The following ZNF496 variants were observed in gnomAD, a reference collection of about 807,000 sequenced individuals.
The protein encoded by ZNF496 is NSD1 (nuclear receptor binding SET-domain containing 1)-interacting zinc finger protein 1.
In ZNF496, 11 loss-of-function variants were observed where a neutral mutation model predicts 58.9. The ratio of observed to expected loss-of-function variants is 0.19; its 90% CI spans 0.12 to 0.31. ZNF496 has a LOEUF of 0.31. ZNF496 is among the 10% of genes least tolerant of loss of function. ZNF496 has a pLI of 1.00. For synonymous variants in ZNF496, 338 were observed against 318.2 expected (o/e 1.06, Z -0.66); for missense variants, 660 against 783.0 (o/e 0.84, Z 1.88).
At chr1:247,307,494 C>T in intron 9 of ZNF496, 1 of 985,402 alleles carries the variant, frequency 1.0e-6, no homozygotes, top group Non-Finnish European at 1.2e-6. Context: ...AAACATCAGG[C>T]CTGCGCTTGA....
At chr1:247,302,595 C>A (rs1659282593) in intron 9 of ZNF496, among the ~76,000 whole-genome samples, 1 of 152,128 alleles carries the variant, frequency 6.6e-6, no homozygotes, top group Non-Finnish European at 1.5e-5. Context: ...CCTGCCTCAG[C>A]CTCCCAAAGT....
chr1:247,312,909 T>A (rs990347788), intron 6 of ZNF496: 19 of 152,150 alleles, frequency 1.2e-4, no homozygotes, highest in African/African-American at 4.6e-4. Context: ...CAATTTTCTG[T>A]CTTAATCCAT....
At position 247,300,584 on chromosome 1, in the gene ZNF496, C is replaced by T. The variant is rs1451662443; in HGVS notation, c.1699G>A (p.Asp567Asn). The change falls in exon 10 of 10, where the codon GAC becomes AAC. Residue 567 changes from aspartate to asparagine, a missense_variant. Transcript: ENST00000682384. This position sits in a 1 kb window ranked among gnomAD's most constrained non-coding sequence, Gnocchi z 5.7. The part of the protein sequence containing the change: ...YCVKSFTQNY[D>N]LLRHERLHMK... ...TGCAGGCGCTCGTGGCGGAGGAGGT[C>T]ATAGTTCTGCGTGAAGCTCTTGACG... is the stretch of plus-strand genomic sequence containing the variant. 1 of 1,613,934 alleles carries T rather than the reference C, an allele frequency of 6.2e-7. No individual in the cohort carries two copies. The highest frequency in any genetic ancestry group is 1.1e-5 in the South Asian group (1 of 91,062).
At position 247,308,730 on chromosome 1, in the gene ZNF496, CAA is replaced by C. The variant is rs1659497410; in HGVS notation, c.893-144_893-143del. ...TGGGGACTGGCAGGGGGTGGCCACTCAATAAGTGTCTGCTGAGTGAATGAACC... is the reference window on the plus strand; with the variant it reads ...TGGGGACTGGCAGGGGGTGGCCACTCTAAGTGTCTGCTGAGTGAATGAACC... On this transcript the variant is annotated intron_variant, in intron 8 of 9. Transcript: ENST00000682384. This position sits in a 1 kb window ranked among gnomAD's most constrained non-coding sequence, Gnocchi z 4.5. 2 of 687,222 alleles carry C rather than the reference CAA, an allele frequency of 2.9e-6. No homozygotes were observed. The highest frequency in any genetic ancestry group is 3.6e-5 in the African/African-American group (2 of 55,692). The allele number at this position is 687,222 out of a possible 1,614,324, so 42.6% of individuals were successfully genotyped here.
chr1:247,316,208 C>T (rs1435867465), intron 6 of ZNF496, among the ~76,000 whole-genome samples: 4 of 23,950 alleles, frequency 1.7e-4, no homozygotes, highest in Non-Finnish European at 3.6e-4. Flanking sequence ...TGTGTGCGCG[C>T]GCGTGCGCGT....
rs1252174531 is a variant in ZNF496, at chr1:247,297,995, G to A, written c.*2524C>T. On this transcript the variant is annotated 3_prime_UTR_variant, in exon 10 of 10. Coordinates refer to ENST00000682384, the MANE Select transcript of ZNF496 (RefSeq NM_032752.3). ...TTGAGTCAGACGTCTGAAGCAGGAA[G>A]GTGAATAACCTTCCCAAGACCTTAG... is the stretch of plus-strand genomic sequence containing the variant. The A allele has an allele frequency of 1.3e-5, 2 of 152,184 alleles. No homozygotes were observed. The highest frequency in any genetic ancestry group is 2.4e-5 in the African/African-American group (1 of 41,436). 9.4% of individuals were successfully genotyped at this position (152,184 alleles called of 1,614,324 possible). A position where few individuals can be genotyped will look rare whatever the true frequency, so the allele number is the denominator to read the frequency against.
At chr1:247,322,883 G>T in intron 6 of ZNF496, 1 of 972,482 alleles carries the variant, frequency 1.0e-6, no homozygotes, top group Non-Finnish European at 1.5e-6. Flanking sequence ...CATCAATGGG[G>T]ACTCATGGGC....
Position 247,297,463 on chromosome 1 carries a change from A to C in ZNF496, c.*3056T>G, listed in dbSNP as rs1659120840. 1 of 152,226 alleles carries C rather than the reference A, an allele frequency of 6.6e-6. No individual in the cohort carries two copies. Among genetic ancestry groups the C allele is most frequent in the Non-Finnish European group, 1.5e-5 (1 of 68,044 alleles). 9.4% of individuals were successfully genotyped at this position (152,226 alleles called of 1,614,324 possible). On this transcript the variant is annotated 3_prime_UTR_variant, in exon 10 of 10. Coordinates refer to ENST00000682384, the MANE Select transcript of ZNF496 (RefSeq NM_032752.3). The stretch of plus-strand genomic sequence containing the variant: ...GCACCTGTGGGTTTGTGACGATGCC[A>C]AGGGATCAGAGGAACAAAGAGAGAG...
At chr1:247,311,334 A>T (rs952520529) in intron 6 of ZNF496, 1 of 151,842 alleles carries the variant, frequency 6.6e-6, no homozygotes, top group African/African-American at 2.4e-5. Flanking sequence ...CGGCAGGCGG[A>T]GTCTGCAGTG....
Position 247,329,551 on chromosome 1 carries a change from A to G in ZNF496, c.28T>C (p.Leu10=). MPTALCPRV[L]APKESEEPRK... is the part of the protein sequence containing the mutation. ...GGCTCCTCACTTTCCTTCGGAGCCA[A>G]GACTCGGGGGCACAGGGCTGTGGGC... is the stretch of plus-strand genomic sequence containing the variant. Residue 10 remains leucine (L), a synonymous_variant, in exon 4 of 10, where the codon TTG becomes CTG. Coordinates refer to ENST00000682384, the MANE Select transcript of ZNF496 (RefSeq NM_032752.3). This position sits in a 1 kb window ranked among gnomAD's most constrained non-coding sequence, Gnocchi z 5.5. 6.4e-7 allele frequency: 1 copy of G among 1,568,694 alleles called. No individual in the cohort carries two copies. The highest frequency in any genetic ancestry group is 1.2e-5 in the South Asian group (1 of 84,050).
chr1:247,309,960 C>G lies in ZNF496; in HGVS notation c.785-154G>C. 1 of 1,305,210 alleles carries G rather than the reference C, an allele frequency of 7.7e-7. No homozygotes were observed. Among genetic ancestry groups the G allele is most frequent in the Non-Finnish European group, 1.0e-6 (1 of 974,128 alleles). The allele number at this position is 1,305,210 out of a possible 1,614,324, so 80.9% of individuals were successfully genotyped here. A position where few individuals can be genotyped will look rare whatever the true frequency, so the allele number is the denominator to read the frequency against. On this transcript the variant is annotated intron_variant, in intron 7 of 9. Coordinates refer to ENST00000682384, the MANE Select transcript of ZNF496 (RefSeq NM_032752.3). This position sits in a 1 kb window ranked among gnomAD's most constrained non-coding sequence, Gnocchi z 4.3. ...AAGGCCAGAGCTGGCAGTGCAGGGGCAGTGGGGGCAGCACACGCAGGGAGA... is the reference window on the plus strand; with the variant it reads ...AAGGCCAGAGCTGGCAGTGCAGGGGGAGTGGGGGCAGCACACGCAGGGAGA...
rs533205444 is a variant in ZNF496 at position 247,321,690 on chromosome 1, T to C, written c.651+1464A>G. ...GTACTGTGCTCGCTATGGCATTTACTAGGGACTGCAGGAATTGAAAGATGA... is the reference window on the plus strand; with the variant it reads ...GTACTGTGCTCGCTATGGCATTTACCAGGGACTGCAGGAATTGAAAGATGA... On this transcript the variant is annotated intron_variant, in intron 6 of 9. Transcript: ENST00000682384. 3.9e-5 allele frequency among the ~76,000 whole-genome samples: 6 copies of C among 152,340 alleles called. No individual in the cohort carries two copies. In the South Asian group the frequency reaches 1.0e-3, roughly 26 times the overall value.
At position 247,309,931 on chromosome 1, in the gene ZNF496, T is replaced by A; in HGVS notation, c.785-125A>T. On this transcript the variant is annotated intron_variant, in intron 7 of 9. Coordinates refer to ENST00000682384, the MANE Select transcript of ZNF496 (RefSeq NM_032752.3). This position sits in a 1 kb window ranked among gnomAD's most constrained non-coding sequence, Gnocchi z 4.3. Reference sequence around the variant, plus strand: ...GCATGGCACCATCAGGGGCGAGAAGTGAAAAGGCCAGAGCTGGCAGTGCAG... The same window carrying A: ...GCATGGCACCATCAGGGGCGAGAAGAGAAAAGGCCAGAGCTGGCAGTGCAG... 2 of 1,357,666 alleles carry A rather than the reference T, an allele frequency of 1.5e-6. No homozygotes were observed. Among genetic ancestry groups the A allele is most frequent in the Non-Finnish European group, 9.9e-7 (1 of 1,006,800 alleles). 84.1% of individuals were successfully genotyped at this position (1,357,666 alleles called of 1,614,324 possible). A position where few individuals can be genotyped will look rare whatever the true frequency, so the allele number is the denominator to read the frequency against.
chr1:247,327,739 G>GC lies in ZNF496; in HGVS notation c.574+943dup, dbSNP rs538437558. ...GCAAGTCATAAGAAAGTCTCCCCTG[G>GC]CCCCCCAGACACTCTCTTTCCATTG... On this transcript the variant is annotated intron_variant, in intron 5 of 9. Coordinates refer to ENST00000682384, the MANE Select transcript of ZNF496 (RefSeq NM_032752.3). 2.7e-3 allele frequency among the ~76,000 whole-genome samples: 376 copies of GC among 137,954 alleles called. 4 individuals carry two copies. Among genetic ancestry groups the GC allele is most frequent in the African/African-American group, 0.01 (358 of 35,326 alleles). 90.5% of individuals were successfully genotyped at this position (137,954 alleles called of 152,430 possible).
At position 247,298,661 on chromosome 1, in the gene ZNF496, G is replaced by A. The variant is rs1659150801; in HGVS notation, c.*1858C>T. On this transcript the variant is annotated 3_prime_UTR_variant, in exon 10 of 10. Coordinates refer to ENST00000682384, the MANE Select transcript of ZNF496 (RefSeq NM_032752.3). The stretch of plus-strand genomic sequence containing the variant: ...ATTACGTGAGTGACAAGGAGCACCA[G>A]GAGCCTTGCCTGACTTACTGTCTGT... 1 of 152,392 alleles carries A rather than the reference G, an allele frequency of 6.6e-6. No individual in the cohort carries two copies. Among genetic ancestry groups the A allele is most frequent in the African/African-American group, 2.4e-5 (1 of 41,576 alleles). 9.4% of individuals were successfully genotyped at this position (152,392 alleles called of 1,614,324 possible).
In ZNF496 at chr1:247,299,904, CT is replaced by C. The variant is rs1488915118; in HGVS notation, c.*614del. 6.6e-6 allele frequency: 1 copy of C among 152,266 alleles called. No homozygotes were observed. Among genetic ancestry groups the C allele is most frequent in the Non-Finnish European group, 1.5e-5 (1 of 68,074 alleles). 9.4% of individuals were successfully genotyped at this position (152,266 alleles called of 1,614,324 possible). On this transcript the variant is annotated 3_prime_UTR_variant, in exon 10 of 10. Coordinates refer to ENST00000682384, the MANE Select transcript of ZNF496 (RefSeq NM_032752.3). ...TGCCACAGAGGCCAGCCCAAAAGGGCTGCCTGATCATCTTGGATCTGCGGGG... is the reference window on the plus strand; with the variant it reads ...TGCCACAGAGGCCAGCCCAAAAGGGCGCCTGATCATCTTGGATCTGCGGGG...
In ZNF496 at chr1:247,330,015, A is replaced by G. The variant is rs576652864; in HGVS notation, c.-87T>C. On this transcript the variant is annotated 5_prime_UTR_variant, in exon 3 of 10. Transcript: ENST00000682384. ...GAGATCCGAGATGGGCAGGCCAAGC[A>G]GGCCACTATCTTGAAGCTCCGGAGC... 1 of 161,204 alleles carries G rather than the reference A, an allele frequency of 6.2e-6. No homozygotes were observed. The highest frequency in any genetic ancestry group is 6.4e-5 in the Admixed American group (1 of 15,556). The allele number at this position is 161,204 out of a possible 1,614,324, so 10.0% of individuals were successfully genotyped here.
In ZNF496 at chr1:247,320,519, G is replaced by C. The variant is rs192857626; in HGVS notation, c.651+2635C>G. On this transcript the variant is annotated intron_variant, in intron 6 of 9. Transcript: ENST00000682384. ...AAATGAGTGTGGACATTAGGTAACAGGAGGTATCCTTCTGGTGAAGCACCT... is the reference window on the plus strand; with the variant it reads ...AAATGAGTGTGGACATTAGGTAACACGAGGTATCCTTCTGGTGAAGCACCT... 2.7e-4 allele frequency among the ~76,000 whole-genome samples: 41 copies of C among 152,330 alleles called. No individual in the cohort carries two copies. The East Asian group carries it at 7.1e-3, about 27-fold the overall frequency.
chr1:247,309,656 C>T lies in ZNF496; in HGVS notation c.892+43G>A, dbSNP rs567402410. On this transcript the variant is annotated intron_variant, in intron 8 of 9. Coordinates refer to ENST00000682384, the MANE Select transcript of ZNF496 (RefSeq NM_032752.3). This position sits in a 1 kb window ranked among gnomAD's most constrained non-coding sequence, Gnocchi z 4.3. Reference sequence around the variant, plus strand: ...GGCTCACCTCCGGCTGCCAGCAACCCTTCCCCCTACTCTGTCCACTCAGTT... The same window carrying T: ...GGCTCACCTCCGGCTGCCAGCAACCTTTCCCCCTACTCTGTCCACTCAGTT... 3 of 1,609,604 alleles carry T rather than the reference C, an allele frequency of 1.9e-6. No individual in the cohort carries two copies. The highest frequency in any genetic ancestry group is 2.7e-5 in the African/African-American group (2 of 74,952).
Sources: gnomAD v4.1 joint callset for allele counts (sites outside exome capture counted in the v4.1 genomes callset) on GRCh38, gnomAD v4.1.1 for gene constraint, Gnocchi (gnomAD v3.1) non-coding constraint, MANE v1.5 for transcripts, NCBI Gene and HGNC (gene_info 2026-07-23, HGNC 2026-07-21) for gene names.